The following SLC2A4 variants were observed in gnomAD, a reference collection of about 807,000 sequenced individuals.
SLC2A4 encodes solute carrier family 2 member 4.
Under a neutral mutation model 53.3 loss-of-function variants are expected in SLC2A4, and 31 were observed. That is an observed-to-expected ratio of 0.58 (90% CI 0.44 to 0.78). SLC2A4 has a LOEUF of 0.78. SLC2A4 is among the 30% of genes least tolerant of loss of function. The pLI, the probability that SLC2A4 is intolerant of heterozygous loss-of-function variation, is 0.00. For synonymous variants in SLC2A4, 276 were observed against 281.9 expected (o/e 0.98, Z 0.21); for missense variants, 538 against 655.7 (o/e 0.82, Z 1.96).
In SLC2A4 at chr17:7,284,850, A is replaced by G. The variant is rs1295804967; in HGVS notation, c.931A>G (p.Thr311Ala). Reference protein sequence around the residue: ...SGINAVFYYSTSIFETAGVGQ... With the variant: ...SGINAVFYYSASIFETAGVGQ... The stretch of plus-strand genomic sequence containing the variant: ...CCACCTCTAGGTTTTCTATTATTCG[A>G]CCAGCATCTTCGAGACAGCAGGGGT... Residue 311 changes from threonine to alanine, a missense_variant, in exon 8 of 11, where the codon ACC (threonine) becomes GCC (alanine). Transcript: ENST00000317370. This position sits in a 1 kb window ranked among gnomAD's most constrained non-coding sequence, Gnocchi z 7.5. 4 of 1,613,966 alleles carry G rather than the reference A, an allele frequency of 2.5e-6. No homozygotes were observed. The highest frequency in any genetic ancestry group is 1.3e-5 in the African/African-American group (1 of 74,880).
In SLC2A4 at chr17:7,283,084, T is replaced by C. The variant is rs749408921; in HGVS notation, c.34-161T>C. 4.0e-6 allele frequency: 3 copies of C among 753,220 alleles called. No individual in the cohort carries two copies. Among genetic ancestry groups the C allele is most frequent in the Non-Finnish European group, 4.9e-6 (2 of 408,226 alleles). The allele number at this position is 753,220 out of a possible 1,614,324, so 46.7% of individuals were successfully genotyped here. On this transcript the variant is annotated intron_variant, in intron 1 of 10. Transcript: ENST00000317370. The surrounding 1 kb of genome is among the most constrained non-coding windows in gnomAD (Gnocchi z 5.8). ...GGTTGCAGTTCAGCTCCTGTTTACA[T>C]TGAGATCTTTGTGCAATTCCTAATA...
Position 7,284,230 on chromosome 17 carries a change from A to G in SLC2A4, c.578A>G (p.Glu193Gly). The G allele has an allele frequency of 1.2e-6, 2 of 1,612,944 alleles. No individual in the cohort carries two copies. Among genetic ancestry groups the G allele is most frequent in the Non-Finnish European group, 8.5e-7 (1 of 1,180,002 alleles). The change falls in exon 6 of 11, where the codon GAG becomes GGG. Residue 193 changes from glutamate to glycine, a missense_variant. Coordinates refer to ENST00000317370, the MANE Select transcript of SLC2A4 (RefSeq NM_001042.3). The surrounding 1 kb of genome is among the most constrained non-coding windows in gnomAD (Gnocchi z 7.5). The part of the protein sequence containing the change: ...GILIAQVLGL[E>G]SLLGTASLWP... ...CTTCTCCCACAGGTGCTGGGCTTGG[A>G]GTCCCTCCTGGGCACTGCCAGCCTG...
Position 7,285,798 on chromosome 17 carries a change from A to T in SLC2A4, c.1216A>T (p.Ile406Phe), listed in dbSNP as rs778361799. The T allele has an allele frequency of 1.9e-6, 3 of 1,614,026 alleles. No homozygotes were observed. The highest frequency in any genetic ancestry group is 2.5e-6 in the Non-Finnish European group (3 of 1,180,022). The change falls in exon 10 of 11, where the codon ATC becomes TTC. Residue 406 changes from isoleucine (I) to phenylalanine (F), a missense_variant. Coordinates refer to ENST00000317370, the MANE Select transcript of SLC2A4 (RefSeq NM_001042.3). This position sits in a 1 kb window ranked among gnomAD's most constrained non-coding sequence, Gnocchi z 6.0. ...EIGPGPIPWF[I>F]VAELFSQGPR... is the part of the protein sequence containing the mutation. ...TGGCCCTGGCCCCATTCCTTGGTTC[A>T]TCGTGGCCGAGCTCTTCAGCCAGGG...
rs954607363 is a variant in SLC2A4 at position 7,284,071 on chromosome 17, C to T, written c.546C>T (p.Ile182=). 13 of 1,613,782 alleles carry T rather than the reference C, an allele frequency of 8.1e-6. No individual in the cohort carries two copies. Among genetic ancestry groups the T allele is most frequent in the South Asian group, 3.3e-5 (3 of 91,010 alleles). The part of the protein sequence containing the change: ...LGTLNQLAIV[I]GILIAQVLGL... ...CGCTCAACCAACTGGCCATTGTTAT[C>T]GGCATTCTGATCGCCCAGGTGACCG... The change falls in exon 5 of 11, where the codon ATC becomes ATT. Residue 182 remains isoleucine, a synonymous_variant. Transcript: ENST00000317370. This position sits in a 1 kb window ranked among gnomAD's most constrained non-coding sequence, Gnocchi z 7.5.
chr17:7,283,066 G>A lies in SLC2A4; in HGVS notation c.34-179G>A. The A allele has an allele frequency of 1.4e-6, 1 of 716,766 alleles. No individual in the cohort carries two copies. The highest frequency in any genetic ancestry group is 2.6e-6 in the Non-Finnish European group (1 of 388,440). The allele number at this position is 716,766 out of a possible 1,614,324, so 44.4% of individuals were successfully genotyped here. A position where few individuals can be genotyped will look rare whatever the true frequency, so the allele number is the denominator to read the frequency against. On this transcript the variant is annotated intron_variant, in intron 1 of 10. Coordinates refer to ENST00000317370, the MANE Select transcript of SLC2A4 (RefSeq NM_001042.3). This position sits in a 1 kb window ranked among gnomAD's most constrained non-coding sequence, Gnocchi z 5.8. The stretch of plus-strand genomic sequence containing the variant: ...GTTTCTCCTTTATGCCCAGGTTGCA[G>A]TTCAGCTCCTGTTTACATTGAGATC...
At position 7,283,464 on chromosome 17, in the gene SLC2A4, G is replaced by A. The variant is rs756238706; in HGVS notation, c.151-9G>A. On this transcript the variant is annotated splice_polypyrimidine_tract_variant and intron_variant, in intron 2 of 10. Transcript: ENST00000317370. The surrounding 1 kb of genome is among the most constrained non-coding windows in gnomAD (Gnocchi z 5.8). The stretch of plus-strand genomic sequence containing the variant: ...GTCTGCAGGAAATCTGTCCTCTGCT[G>A]TCCCCCAGGTGATTGAACAGAGCTA... 6.2e-7 allele frequency: 1 copy of A among 1,613,246 alleles called. No individual in the cohort carries two copies. Among genetic ancestry groups the A allele is most frequent in the South Asian group, 1.1e-5 (1 of 91,058 alleles).
chr17:7,284,609 C>A lies in SLC2A4; in HGVS notation c.852C>A (p.His284Gln). 1 of 1,614,186 alleles carries A rather than the reference C, an allele frequency of 6.2e-7. No individual in the cohort carries two copies. Among genetic ancestry groups the A allele is most frequent in the South Asian group, 1.1e-5 (1 of 91,082 alleles). Residue 284 changes from histidine (H) to glutamine (Q), a missense_variant, in exon 7 of 11, where the codon CAC becomes CAA. Transcript: ENST00000317370. This position sits in a 1 kb window ranked among gnomAD's most constrained non-coding sequence, Gnocchi z 7.5. Reference sequence around the variant, plus strand: ...TCCAGCTCCTGGGCAGCCGTACCCACCGGCAGCCCCTGATCATTGCGGTCG... The same window carrying A: ...TCCAGCTCCTGGGCAGCCGTACCCAACGGCAGCCCCTGATCATTGCGGTCG... ...SLLQLLGSRTHRQPLIIAVVL... is the reference protein window; with the variant it reads ...SLLQLLGSRTQRQPLIIAVVL...
In SLC2A4 at chr17:7,284,936, C is replaced by T. The variant is rs774669816; in HGVS notation, c.1017C>T (p.Val339=). Residue 339 remains valine (V), a synonymous_variant, in exon 8 of 11, where the codon GTC becomes GTT. Transcript: ENST00000317370. This position sits in a 1 kb window ranked among gnomAD's most constrained non-coding sequence, Gnocchi z 7.5. ...AGVVNTVFTL[V]SVLLVERAGR... ...TGGTCAACACAGTCTTCACCTTGGT[C>T]TCGGTAACTGCTCACCTCTGGAATG... 15 of 1,614,106 alleles carry T rather than the reference C, an allele frequency of 9.3e-6. No individual in the cohort carries two copies. Among genetic ancestry groups the T allele is most frequent in the Non-Finnish European group, 1.2e-5 (14 of 1,180,040 alleles).
chr17:7,286,549 C>G lies in SLC2A4; in HGVS notation c.1450C>G (p.His484Asp), dbSNP rs1190459298. The change falls in exon 11 of 11, where the codon CAC becomes GAC. Residue 484 changes from histidine to aspartate, a missense_variant. Coordinates refer to ENST00000317370, the MANE Select transcript of SLC2A4 (RefSeq NM_001042.3). ...RTFDQISAAF[H>D]RTPSLLEQEV... is the part of the protein sequence containing the mutation. The stretch of plus-strand genomic sequence containing the variant: ...GTTTGACCAGATCTCAGCTGCCTTC[C>G]ACCGGACACCCTCTCTTTTAGAGCA... The G allele has an allele frequency of 6.2e-7, 1 of 1,614,186 alleles. No individual in the cohort carries two copies. Among genetic ancestry groups the G allele is most frequent in the Admixed American group, 1.7e-5 (1 of 60,020 alleles).
rs1225389183 is a variant in SLC2A4 at position 7,281,906 on chromosome 17, C to T, written c.-29C>T. ...GGATCGGTTCTTTCATCTTCGCCGCCCCTGCGCGTCCAGCTCTTCTAAGAC... is the reference window on the plus strand; with the variant it reads ...GGATCGGTTCTTTCATCTTCGCCGCTCCTGCGCGTCCAGCTCTTCTAAGAC... On this transcript the variant is annotated 5_prime_UTR_variant, in exon 1 of 11. Coordinates refer to ENST00000317370, the MANE Select transcript of SLC2A4 (RefSeq NM_001042.3). The T allele has an allele frequency of 6.3e-7, 1 of 1,597,560 alleles. No homozygotes were observed. The highest frequency in any genetic ancestry group is 8.5e-7 in the Non-Finnish European group (1 of 1,171,948).
At position 7,286,766 on chromosome 17, in the gene SLC2A4, A is replaced by G; in HGVS notation, c.*137A>G. The G allele has an allele frequency of 1.2e-6, 1 of 800,050 alleles. No homozygotes were observed. The highest frequency in any genetic ancestry group is 2.1e-6 in the Non-Finnish European group (1 of 475,894). The allele number at this position is 800,050 out of a possible 1,614,324, so 49.6% of individuals were successfully genotyped here. A position where few individuals can be genotyped will look rare whatever the true frequency, so the allele number is the denominator to read the frequency against. Reference sequence around the variant, plus strand: ...ATCCCTGCAGCCTGGTAGAATTGGGAAGCTGGGGGAAGGGTGGTCTGAGCA... The same window carrying G: ...ATCCCTGCAGCCTGGTAGAATTGGGGAGCTGGGGGAAGGGTGGTCTGAGCA... On this transcript the variant is annotated 3_prime_UTR_variant, in exon 11 of 11. Transcript: ENST00000317370.
Position 7,285,660 on chromosome 17 carries a change from GA to G in SLC2A4, c.1123-42del. 1 of 1,586,782 alleles carries G rather than the reference GA, an allele frequency of 6.3e-7. No individual in the cohort carries two copies. ...CTGAGTTGAGGGCAAGGGAAGATCA[GA>G]AAGGCCTCAACTGGATTCTCCACCC... On this transcript the variant is annotated intron_variant, in intron 9 of 10. Coordinates refer to ENST00000317370, the MANE Select transcript of SLC2A4 (RefSeq NM_001042.3). The surrounding 1 kb of genome is among the most constrained non-coding windows in gnomAD (Gnocchi z 6.0).
In SLC2A4 at chr17:7,285,304, G is replaced by T. The variant is rs1387052189; in HGVS notation, c.1122+115G>T. Reference sequence around the variant, plus strand: ...ACACATGCTTTCAATCCTGGCGCCAGCTCCGGACCAGGACTGGGGCTGACT... The same window carrying T: ...ACACATGCTTTCAATCCTGGCGCCATCTCCGGACCAGGACTGGGGCTGACT... On this transcript the variant is annotated intron_variant, in intron 9 of 10. Coordinates refer to ENST00000317370, the MANE Select transcript of SLC2A4 (RefSeq NM_001042.3). The surrounding 1 kb of genome is among the most constrained non-coding windows in gnomAD (Gnocchi z 6.0). The T allele has an allele frequency of 2.3e-5, 21 of 897,144 alleles. No homozygotes were observed. The highest frequency in any genetic ancestry group is 3.7e-5 in the Non-Finnish European group (21 of 564,802). The allele number at this position is 897,144 out of a possible 1,614,324, so 55.6% of individuals were successfully genotyped here. A position where few individuals can be genotyped will look rare whatever the true frequency, so the allele number is the denominator to read the frequency against.
Position 7,283,502 on chromosome 17 carries a change from G to T in SLC2A4, c.180G>T (p.Trp60Cys). The T allele has an allele frequency of 6.2e-7, 1 of 1,613,904 alleles. No homozygotes were observed. Among genetic ancestry groups the T allele is most frequent in the Admixed American group, 1.7e-5 (1 of 60,016 alleles). Residue 60 changes from tryptophan to cysteine, a missense_variant, in exon 3 of 11, where the codon TGG becomes TGT. Physicochemically the swap from Trp to Cys is radical, Grantham distance 215. Transcript: ENST00000317370. The surrounding 1 kb of genome is among the most constrained non-coding windows in gnomAD (Gnocchi z 5.8). ...KVIEQSYNET[W>C]LGRQGPEGPS... ...TTGAACAGAGCTACAATGAGACGTG[G>T]CTGGGGAGGCAGGGGCCTGAGGGAC... is the stretch of plus-strand genomic sequence containing the variant.
In SLC2A4 at chr17:7,281,938, C is replaced by T; in HGVS notation, c.4C>T (p.Pro2Ser). 6.2e-7 allele frequency: 1 copy of T among 1,605,568 alleles called. No homozygotes were observed. Among genetic ancestry groups the T allele is most frequent in the Non-Finnish European group, 8.5e-7 (1 of 1,175,766 alleles). M[P>S]SGFQQIGSED... ...CGTCCAGCTCTTCTAAGACGAGATG[C>T]CGTCGGGCTTCCAACAGATAGGCTC... The change falls in exon 1 of 11, where the codon CCG (proline) becomes TCG (serine). Residue 2 changes from proline to serine, a missense_variant. By Grantham distance (74) the Pro-to-Ser change is moderately conservative. Transcript: ENST00000317370.
rs1166059623 is a variant in SLC2A4, at chr17:7,284,246, T to C, written c.594T>C (p.Thr198=). The change falls in exon 6 of 11, where the codon ACT becomes ACC. Residue 198 remains threonine, a synonymous_variant. Transcript: ENST00000317370. The surrounding 1 kb of genome is among the most constrained non-coding windows in gnomAD (Gnocchi z 7.5). ...QVLGLESLLG[T]ASLWPLLLGL... ...TGGGCTTGGAGTCCCTCCTGGGCAC[T>C]GCCAGCCTGTGGCCACTGCTCCTGG... 1 of 1,613,556 alleles carries C rather than the reference T, an allele frequency of 6.2e-7. No homozygotes were observed. Among genetic ancestry groups the C allele is most frequent in the Middle Eastern group, 1.6e-4 (1 of 6,062 alleles).
chr17:7,282,001 G>GGGGGGT lies in SLC2A4; in HGVS notation c.33+34_33+35insGGGGGT. ...CATCATGAGGGGGCGGGGCGGGGGG[G>GGGGGGT]CACGGGTCCCGCTTTTCTTGGGCTG... On this transcript the variant is annotated intron_variant, in intron 1 of 10. Transcript: ENST00000317370. The surrounding 1 kb of genome is among the most constrained non-coding windows in gnomAD (Gnocchi z 4.1). 1 of 535,040 alleles carries GGGGGGT rather than the reference G, an allele frequency of 1.9e-6. No homozygotes were observed. Among genetic ancestry groups the GGGGGGT allele is most frequent in the Admixed American group, 2.2e-5 (1 of 46,158 alleles). The allele number at this position is 535,040 out of a possible 1,614,324, so 33.1% of individuals were successfully genotyped here. A position where few individuals can be genotyped will look rare whatever the true frequency, so the allele number is the denominator to read the frequency against.
At position 7,281,925 on chromosome 17, in the gene SLC2A4, C is replaced by T. The variant is rs1426407725; in HGVS notation, c.-10C>T. 2.5e-6 allele frequency: 4 copies of T among 1,587,332 alleles called. No homozygotes were observed. Among genetic ancestry groups the T allele is most frequent in the Non-Finnish European group, 3.4e-6 (4 of 1,164,524 alleles). On this transcript the variant is annotated 5_prime_UTR_variant, in exon 1 of 11. Transcript: ENST00000317370. ...CGCCGCCCCTGCGCGTCCAGCTCTT[C>T]TAAGACGAGATGCCGTCGGGCTTCC...
Position 7,285,837 on chromosome 17 carries a change from G to C in SLC2A4, c.1255G>C (p.Ala419Pro). The C allele has an allele frequency of 6.2e-7, 1 of 1,614,230 alleles. No individual in the cohort carries two copies. The highest frequency in any genetic ancestry group is 8.5e-7 in the Non-Finnish European group (1 of 1,180,040). ...CTTCAGCCAGGGACCCCGCCCGGCA[G>C]CCATGGCTGTGGCTGGTTTCTCCAA... is the stretch of plus-strand genomic sequence containing the variant. Reference protein sequence around the residue: ...ELFSQGPRPAAMAVAGFSNWT... With the variant: ...ELFSQGPRPAPMAVAGFSNWT... The change falls in exon 10 of 11, where the codon GCC becomes CCC. Residue 419 changes from alanine (A) to proline (P), a missense_variant. Ala to Pro is a conservative substitution (Grantham distance 27). Transcript: ENST00000317370. This position sits in a 1 kb window ranked among gnomAD's most constrained non-coding sequence, Gnocchi z 6.0.
Sources: gnomAD v4.1 joint callset for allele counts on GRCh38, gnomAD v4.1.1 for gene constraint, Gnocchi (gnomAD v3.1) non-coding constraint, MANE v1.5 for transcripts, NCBI Gene and HGNC (gene_info 2026-07-23, HGNC 2026-07-21) for gene names.